Variants in OXSR1 observed in about 807,000 individuals in gnomAD.
OXSR1 encodes the protein oxidative stress responsive kinase 1.
Under a neutral mutation model 79.8 loss-of-function variants are expected in OXSR1, and 24 were observed. The observed-to-expected ratio is 0.30, with a 90% CI of 0.22 to 0.42. The LOEUF (loss-of-function observed/expected upper bound fraction) is 0.42, where lower values mean the gene tolerates loss of function less well. Ranked by LOEUF, OXSR1 falls within the 10% of genes least tolerant of loss-of-function variation. The probability of loss-of-function intolerance (pLI) is 1.00; values close to 1 mark genes in which losing one functional copy is unlikely to be tolerated. For synonymous variants in OXSR1, 226 were observed against 209.2 expected, an observed-to-expected ratio of 1.08 and a Z score of -0.69; for missense variants, 430 against 618.4, an observed-to-expected ratio of 0.70 and a Z score of 3.23.
upstream of OXSR1, among the ~76,000 whole-genome samples, chr3:38,164,792 C>G (rs1300245299): frequency 6.6e-6 from 1 of 152,172 alleles, no homozygotes; most frequent in Non-Finnish European, 1.5e-5. Context: ...TGCGAATGGA[C>G]AGAACCCGCC....
rs9828129 is a variant in OXSR1, at chr3:38,237,187, G to A, written c.1074+226G>A. ...ACCCAAATCTACCAAATCTAGAGAC[G>A]AAAGCTGCAAATGTCTGAGATGCAA... On this transcript the variant is annotated intron_variant, in intron 11 of 17. Transcript: ENST00000311806. Among the ~76,000 whole-genome samples the A allele has an allele frequency of 6.5e-3, 997 of 152,242 alleles. 10 individuals carry two copies. Among genetic ancestry groups the A allele is most frequent in the African/African-American group, 0.023 (960 of 41,558 alleles).
At chr3:38,237,295 T>C (rs1196737941) in intron 11 of OXSR1, among the ~76,000 whole-genome samples, 5 of 152,198 alleles carry the variant, frequency 3.3e-5, no homozygotes, top group African/African-American at 1.2e-4. Context: ...TGGAAGCTTT[T>C]CCCCTGAAGT....
intron 10 of OXSR1, chr3:38,230,670 C>A: frequency 2.6e-6 from 1 of 383,876 alleles, no homozygotes; most frequent in Non-Finnish European, 4.8e-6. Context: ...TAAATTAATT[C>A]TAAACTCTGT....
At chr3:38,202,352 A>G (rs1702180679) in intron 4 of OXSR1, among the ~76,000 whole-genome samples, 1 of 152,208 alleles carries the variant, frequency 6.6e-6, no homozygotes, top group Non-Finnish European at 1.5e-5. Flanking sequence ...GTATAATATT[A>G]AAGCTGGATG....
intron 4 of OXSR1, among the ~76,000 whole-genome samples, chr3:38,201,337 G>A (rs894274266): frequency 6.6e-6 from 1 of 151,932 alleles, no homozygotes; most frequent in South Asian, 2.1e-4. Context: ...AGAGGCGGGC[G>A]GATTGCTTGA....
intron 8 of OXSR1, among the ~76,000 whole-genome samples, chr3:38,228,343 G>A (rs1031701559): frequency 1.3e-5 from 2 of 152,188 alleles, no homozygotes; most frequent in South Asian, 4.1e-4. Context: ...AGCATATTGA[G>A]AAGCAATTGT....
chr3:38,169,996 T>A (rs1249101176), intron 1 of OXSR1, among the ~76,000 whole-genome samples: 1 of 152,050 alleles, frequency 6.6e-6, no homozygotes, highest in Non-Finnish European at 1.5e-5. Context: ...CCTTCCAGAG[T>A]GCTAGGATTA....
chr3:38,218,256 C>G (rs115428467), intron 5 of OXSR1, among the ~76,000 whole-genome samples: 1,830 of 152,018 alleles, frequency 0.012, 35 homozygotes, highest in African/African-American at 0.041. Flanking sequence ...TCCAATTTCT[C>G]CACATTCCCA....
chr3:38,214,135 G>T (rs558729257), intron 4 of OXSR1, among the ~76,000 whole-genome samples: 55 of 150,162 alleles, frequency 3.7e-4, no homozygotes, highest in African/African-American at 1.3e-3. Context: ...GGAACAGTGT[G>T]TGGTTGGCAT....
intron 11 of OXSR1, among the ~76,000 whole-genome samples, chr3:38,237,638 C>T (rs1464771433): frequency 6.6e-6 from 1 of 152,190 alleles, no homozygotes; most frequent in Non-Finnish European, 1.5e-5. Context: ...TTAAGACTCT[C>T]TTGATAAACA....
chr3:38,198,998 A>C, intron 4 of OXSR1, 135 bp downstream of exon 4: 1 of 616,470 alleles, frequency 1.6e-6, no homozygotes. Flanking sequence ...TAGAGTCTTA[A>C]TTATACAGCT....
At chr3:38,194,852 T>C (rs1162801319) in intron 3 of OXSR1, among the ~76,000 whole-genome samples, 2 of 152,222 alleles carry the variant, frequency 1.3e-5, no homozygotes, top group East Asian at 3.8e-4. Context: ...AGTCAGAATA[T>C]TGAAAACAAA....
In OXSR1 at chr3:38,219,375, G is replaced by A. The variant is rs551241600; in HGVS notation, c.491-2203G>A. On this transcript the variant is annotated intron_variant, in intron 5 of 17. Coordinates refer to ENST00000311806, the MANE Select transcript of OXSR1 (RefSeq NM_005109.3). The stretch of plus-strand genomic sequence containing the variant: ...CTTCATAATTCAACCTAAAAAATAT[G>A]TTGTATATACATAAGTTGTTTGAGT... Among the ~76,000 whole-genome samples, 11 of 152,224 alleles carry A rather than the reference G, an allele frequency of 7.2e-5. No homozygotes were observed. In the East Asian group the frequency reaches 2.1e-3, roughly 29 times the overall value.
In OXSR1 at chr3:38,165,850, G is replaced by C. The variant is rs774149910; in HGVS notation, c.-27G>C. 1 of 1,599,406 alleles carries C rather than the reference G, an allele frequency of 6.3e-7. No homozygotes were observed. The highest frequency in any genetic ancestry group is 1.1e-5 in the South Asian group (1 of 89,392). ...GACGAGCGAGGTCAGCGAGTTTGAG[G>C]GAGGACCGCGAGCCGCTGCCGCCGT... On this transcript the variant is annotated 5_prime_UTR_variant, in exon 1 of 18. Coordinates refer to ENST00000311806, the MANE Select transcript of OXSR1 (RefSeq NM_005109.3).
At chr3:38,171,420 A>G (rs1701579714) in intron 1 of OXSR1, among the ~76,000 whole-genome samples, 1 of 152,260 alleles carries the variant, frequency 6.6e-6, no homozygotes, top group Admixed American at 6.5e-5. Context: ...TTTTGTTTTC[A>G]AAGGATTGTA....
rs1396533792 is a variant in OXSR1 at position 38,254,236 on chromosome 3, C to G, written c.*1345C>G. 7 of 398,764 alleles carry G rather than the reference C, an allele frequency of 1.8e-5. No individual in the cohort carries two copies. The Admixed American group carries it at 3.1e-4, about 18-fold the overall frequency. 24.7% of individuals were successfully genotyped at this position (398,764 alleles called of 1,614,324 possible). A position where few individuals can be genotyped will look rare whatever the true frequency, so the allele number is the denominator to read the frequency against. ...GTTGCCCTTTACAGAATCACTCGAG[C>G]CCTTTCCAGCACTGTTGGTCTGATG... On this transcript the variant is annotated 3_prime_UTR_variant, in exon 18 of 18. Coordinates refer to ENST00000311806, the MANE Select transcript of OXSR1 (RefSeq NM_005109.3).
intron 11 of OXSR1, 127 bp downstream of exon 11, chr3:38,237,088 C>A: frequency 1.4e-6 from 1 of 739,304 alleles, no homozygotes; most frequent in South Asian, 2.7e-5. Context: ...TAATAGGAGC[C>A]CAGTTAATTC....
At chr3:38,192,385 G>A (rs1702000517) in intron 3 of OXSR1, among the ~76,000 whole-genome samples, 1 of 152,114 alleles carries the variant, frequency 6.6e-6, no homozygotes, top group South Asian at 2.1e-4. Context: ...TTTTCCTCGG[G>A]AATGGTACTT....
chr3:38,233,156 C>A (rs903480410), intron 10 of OXSR1, among the ~76,000 whole-genome samples: 3 of 152,184 alleles, frequency 2.0e-5, no homozygotes, highest in African/African-American at 7.2e-5. Flanking sequence ...AACTGAAGGA[C>A]ACCAGGCACA....
Sources: allele counts gnomAD v4.1 joint callset (sites outside exome capture counted in the v4.1 genomes callset), GRCh38; gene constraint gnomAD v4.1.1; transcripts MANE v1.5; gene names NCBI Gene and HGNC (gene_info 2026-07-23, HGNC 2026-07-21).